The following HES1 variants were observed in gnomAD, a reference collection of about 807,000 sequenced individuals.
The protein encoded by HES1 is hes family bHLH transcription factor 1.
A neutral mutation model predicts 21.0 loss-of-function variants in HES1; 7 were observed. The ratio of observed to expected loss-of-function variants is 0.33; its 90% CI spans 0.19 to 0.63. The LOEUF is 0.63. HES1 is among the 20% of genes least tolerant of loss of function. The pLI is 0.78. For synonymous variants in HES1, 169 were observed against 171.2 expected (o/e 0.99, Z 0.10); for missense variants, 338 against 389.8 (o/e 0.87, Z 1.12).
Position 194,137,172 on chromosome 3 carries a change from T to G in HES1, c.292+124T>G, listed in dbSNP as rs2368048. ...ACATTTTACTGCCTTGGCTCACTCTTGCGTTCCCACGGTCTGGGGCTTATT... is the reference window on the plus strand; with the variant it reads ...ACATTTTACTGCCTTGGCTCACTCTGGCGTTCCCACGGTCTGGGGCTTATT... On this transcript the variant is annotated intron_variant, in intron 3 of 3. Coordinates refer to ENST00000232424, the MANE Select transcript of HES1 (RefSeq NM_005524.4). This position sits in a 1 kb window ranked among gnomAD's most constrained non-coding sequence, Gnocchi z 5.4. 2 of 777,252 alleles carry G rather than the reference T, an allele frequency of 2.6e-6. No individual in the cohort carries two copies. The highest frequency in any genetic ancestry group is 1.5e-5 in the South Asian group (1 of 65,680). 48.1% of individuals were successfully genotyped at this position (777,252 alleles called of 1,614,324 possible). A position where few individuals can be genotyped will look rare whatever the true frequency, so the allele number is the denominator to read the frequency against.
Position 194,137,062 on chromosome 3 carries a change from G to A in HES1, c.292+14G>A, listed in dbSNP as rs1715361477. The A allele has an allele frequency of 6.2e-6, 10 of 1,609,926 alleles. No homozygotes were observed. Among genetic ancestry groups the A allele is most frequent in the Non-Finnish European group, 8.5e-6 (10 of 1,176,606 alleles). ...CGCAGATGACGGGTGAGGGCGGCTCGCCGCGTCCCCCTGTGCGGGCGTCCC... is the reference window on the plus strand; with the variant it reads ...CGCAGATGACGGGTGAGGGCGGCTCACCGCGTCCCCCTGTGCGGGCGTCCC... On this transcript the variant is annotated intron_variant, in intron 3 of 3. Transcript: ENST00000232424. The surrounding 1 kb of genome is among the most constrained non-coding windows in gnomAD (Gnocchi z 5.4).
At chr3:194,136,830 G>C (rs755302910) in intron 2 of HES1, 118 bp downstream of exon 2, 7 of 1,373,758 alleles carry the variant, frequency 5.1e-6, no homozygotes, top group Non-Finnish European at 1.0e-6. Flanking sequence ...GTTCTCCCAG[G>C]CGGGAGGGCC....
Position 194,137,670 on chromosome 3 carries a change from T to C in HES1, c.293-13T>C. 2 of 1,565,474 alleles carry C rather than the reference T, an allele frequency of 1.3e-6. No individual in the cohort carries two copies. The highest frequency in any genetic ancestry group is 1.7e-4 in the Middle Eastern group (1 of 5,888). On this transcript the variant is annotated splice_polypyrimidine_tract_variant and intron_variant, in intron 3 of 3. Coordinates refer to ENST00000232424, the MANE Select transcript of HES1 (RefSeq NM_005524.4). The surrounding 1 kb of genome is among the most constrained non-coding windows in gnomAD (Gnocchi z 5.4). ...GCCGTTCGGTGACCCGTCTGTCTCTTTCTGGCCCGCAGCTGCGCTGAGCAC... is the reference window on the plus strand; with the variant it reads ...GCCGTTCGGTGACCCGTCTGTCTCTCTCTGGCCCGCAGCTGCGCTGAGCAC...
rs1427948364 is a variant in HES1 at position 194,138,490 on chromosome 3, G to GT, written c.*263dup. ...ATTATAAAAGCTCAGATGACATTTCGTTTTTTACACGAGATTTCTTTTTTA... is the reference window on the plus strand; with the variant it reads ...ATTATAAAAGCTCAGATGACATTTCGTTTTTTTACACGAGATTTCTTTTTTA... On this transcript the variant is annotated 3_prime_UTR_variant, in exon 4 of 4. Transcript: ENST00000232424. 23 of 363,588 alleles carry GT rather than the reference G, an allele frequency of 6.3e-5. No individual in the cohort carries two copies. In the East Asian group the frequency reaches 9.0e-4, roughly 14 times the overall value. 22.5% of individuals were successfully genotyped at this position (363,588 alleles called of 1,614,324 possible). A position where few individuals can be genotyped will look rare whatever the true frequency, so the allele number is the denominator to read the frequency against.
chr3:194,136,904 A>T (rs1172405751), intron 2 of HES1, 57 bp from the exon 3 acceptor site: 1 of 1,528,428 alleles, frequency 6.5e-7, no homozygotes, highest in Non-Finnish European at 9.1e-7. Context: ...AGGGACCCCC[A>T]GCACTCTGAA....
At chr3:194,136,785 C>G in intron 2 of HES1, 73 bp downstream of exon 2, 1 of 1,481,264 alleles carries the variant, frequency 6.8e-7, no homozygotes, top group Non-Finnish European at 9.4e-7. Flanking sequence ...AGTGAAACCC[C>G]CCGCCCTGCG....
rs902415373 is a variant in HES1 at position 194,137,147 on chromosome 3, A to T, written c.292+99A>T. The T allele has an allele frequency of 3.1e-6, 3 of 971,196 alleles. No homozygotes were observed. The highest frequency in any genetic ancestry group is 5.0e-6 in the Non-Finnish European group (3 of 604,194). 60.2% of individuals were successfully genotyped at this position (971,196 alleles called of 1,614,324 possible). ...CCGTGGTTGTGAGAGGCATTCAGCT[A>T]CATTTTACTGCCTTGGCTCACTCTT... is the stretch of plus-strand genomic sequence containing the variant. On this transcript the variant is annotated intron_variant, in intron 3 of 3. Transcript: ENST00000232424. This position sits in a 1 kb window ranked among gnomAD's most constrained non-coding sequence, Gnocchi z 5.4.
At position 194,136,956 on chromosome 3, in the gene HES1, T is replaced by C. The variant is rs760003455; in HGVS notation, c.205-5T>C. On this transcript the variant is annotated splice_region_variant and splice_polypyrimidine_tract_variant and intron_variant, in intron 2 of 3. Coordinates refer to ENST00000232424, the MANE Select transcript of HES1 (RefSeq NM_005524.4). ...TCACTTTCCTTTCTTGCCTACTCTA[T>C]GCAGAGCTCGCGGCATTCCAAGCTG... 1.9e-6 allele frequency: 3 copies of C among 1,614,040 alleles called. No homozygotes were observed. The highest frequency in any genetic ancestry group is 2.5e-6 in the Non-Finnish European group (3 of 1,179,884).
chr3:194,137,997 T>G lies in HES1; in HGVS notation c.607T>G (p.Cys203Gly), dbSNP rs753590101. ...GGCGCCCCCTCCCGGCGGCGCCCCC[T>G]GCAAGCTGGGCAGCCAGGCTGGAGA... is the stretch of plus-strand genomic sequence containing the variant. Reference protein sequence around the residue: ...GAAPPPGGAPCKLGSQAGEAA... With the variant: ...GAAPPPGGAPGKLGSQAGEAA... Residue 203 changes from cysteine to glycine, a missense_variant, in exon 4 of 4, where the codon TGC becomes GGC. Coordinates refer to ENST00000232424, the MANE Select transcript of HES1 (RefSeq NM_005524.4). This position sits in a 1 kb window ranked among gnomAD's most constrained non-coding sequence, Gnocchi z 5.4. The G allele has an allele frequency of 1.4e-6, 2 of 1,421,362 alleles. No homozygotes were observed. The highest frequency in any genetic ancestry group is 1.9e-6 in the Non-Finnish European group (2 of 1,072,388). The allele number at this position is 1,421,362 out of a possible 1,614,324, so 88.0% of individuals were successfully genotyped here. A position where few individuals can be genotyped will look rare whatever the true frequency, so the allele number is the denominator to read the frequency against.
rs1323957831 is a variant in HES1 at position 194,138,221 on chromosome 3, G to T, written c.831G>T (p.Pro277=). ...TTACGGCGGACTCCATGTGGAGGCC[G>T]TGGCGGAACTGAGGGGGCTCAGGCC... ...PSLTADSMWR[P]WRN The change falls in exon 4 of 4, where the codon CCG becomes CCT. Residue 277 remains proline (P), a synonymous_variant. Coordinates refer to ENST00000232424, the MANE Select transcript of HES1 (RefSeq NM_005524.4). 1 of 1,576,434 alleles carries T rather than the reference G, an allele frequency of 6.3e-7. No individual in the cohort carries two copies. The highest frequency in any genetic ancestry group is 8.6e-7 in the Non-Finnish European group (1 of 1,162,816).
Position 194,137,578 on chromosome 3 carries a change from G to C in HES1, c.293-105G>C, listed in dbSNP as rs2108588923. 3.2e-6 allele frequency: 4 copies of C among 1,236,710 alleles called. No homozygotes were observed. The highest frequency in any genetic ancestry group is 5.4e-5 in the East Asian group (2 of 37,336). The allele number at this position is 1,236,710 out of a possible 1,614,324, so 76.6% of individuals were successfully genotyped here. On this transcript the variant is annotated intron_variant, in intron 3 of 3. Transcript: ENST00000232424. This position sits in a 1 kb window ranked among gnomAD's most constrained non-coding sequence, Gnocchi z 5.4. ...CCCTCCCTGCCGGAGGCAGTTTCAC[G>C]GGCGCATGGTCAGGGAGGCGCGCCA... is the stretch of plus-strand genomic sequence containing the variant.
Position 194,137,472 on chromosome 3 carries a change from A to G in HES1, c.293-211A>G, listed in dbSNP as rs113839026. On this transcript the variant is annotated intron_variant, in intron 3 of 3. Transcript: ENST00000232424. The surrounding 1 kb of genome is among the most constrained non-coding windows in gnomAD (Gnocchi z 5.4). ...CTGAGATAGGTTTAAATGCAGCTAC[A>G]GGGAATCGGGAAGGAGTGGCTCGGC... Among the ~76,000 whole-genome samples, 1,389 of 152,338 alleles carry G rather than the reference A, an allele frequency of 9.1e-3. 21 individuals carry two copies. Among genetic ancestry groups the G allele is most frequent in the African/African-American group, 0.031 (1,283 of 41,580 alleles).
chr3:194,137,840 C>T lies in HES1; in HGVS notation c.450C>T (p.Ile150=). 6.2e-7 allele frequency: 1 copy of T among 1,607,638 alleles called. No individual in the cohort carries two copies. Among genetic ancestry groups the T allele is most frequent in the South Asian group, 1.1e-5 (1 of 89,948 alleles). ...ACCTGGCCAACTGCATGACCCAGAT[C>T]AATGCCATGACCTACCCCGGGCAGC... ...LGHLANCMTQ[I]NAMTYPGQPH... Residue 150 remains isoleucine (I), a synonymous_variant, in exon 4 of 4, where the codon ATC becomes ATT. Coordinates refer to ENST00000232424, the MANE Select transcript of HES1 (RefSeq NM_005524.4). The surrounding 1 kb of genome is among the most constrained non-coding windows in gnomAD (Gnocchi z 5.4).
In HES1 at chr3:194,136,347, A is replaced by G; in HGVS notation, c.-34A>G. 7.6e-7 allele frequency: 1 copy of G among 1,317,152 alleles called. No homozygotes were observed. The highest frequency in any genetic ancestry group is 1.0e-6 in the Non-Finnish European group (1 of 962,890). 81.6% of individuals were successfully genotyped at this position (1,317,152 alleles called of 1,614,324 possible). A position where few individuals can be genotyped will look rare whatever the true frequency, so the allele number is the denominator to read the frequency against. On this transcript the variant is annotated 5_prime_UTR_variant, in exon 1 of 4. Transcript: ENST00000232424. ...TTTCGTGAAGAACTCCAAAAATAAA[A>G]TTCTCTAGAGATAAAAAAAAAAAAA...
Position 194,136,963 on chromosome 3 carries a change from C to T in HES1, c.207C>T (p.Ser69=), listed in dbSNP as rs149421852. 3.9e-5 allele frequency: 63 copies of T among 1,614,116 alleles called. 1 individual carries two copies. The African/African-American group carries it at 8.0e-4, about 20-fold the overall frequency. The part of the protein sequence containing the change: ...TLILDALKKD[S]SRHSKLEKAD... ...CCTTTCTTGCCTACTCTATGCAGAG[C>T]TCGCGGCATTCCAAGCTGGAGAAGG... Residue 69 remains serine, a splice_region_variant and synonymous_variant, in exon 3 of 4, where the codon AGC becomes AGT. Coordinates refer to ENST00000232424, the MANE Select transcript of HES1 (RefSeq NM_005524.4).
chr3:194,138,004 T>C lies in HES1; in HGVS notation c.614T>C (p.Leu205Pro). 6.7e-7 allele frequency: 1 copy of C among 1,486,028 alleles called. No individual in the cohort carries two copies. The highest frequency in any genetic ancestry group is 9.0e-7 in the Non-Finnish European group (1 of 1,111,664). The allele number at this position is 1,486,028 out of a possible 1,614,324, so 92.1% of individuals were successfully genotyped here. The change falls in exon 4 of 4, where the codon CTG (leucine) becomes CCG (proline). Residue 205 changes from leucine to proline, a missense_variant. By Grantham distance (98) the Leu-to-Pro change is moderately conservative. Coordinates refer to ENST00000232424, the MANE Select transcript of HES1 (RefSeq NM_005524.4). ...CCTCCCGGCGGCGCCCCCTGCAAGC[T>C]GGGCAGCCAGGCTGGAGAGGCGGCT... ...APPPGGAPCK[L>P]GSQAGEAAKV...
chr3:194,137,114 A>AC lies in HES1; in HGVS notation c.292+67dup. On this transcript the variant is annotated intron_variant, in intron 3 of 3. Transcript: ENST00000232424. This position sits in a 1 kb window ranked among gnomAD's most constrained non-coding sequence, Gnocchi z 5.4. ...CTCGCCTCGCGGTGATTTCTTCCAG[A>AC]CTTCCGCCCGTGGTTGTGAGAGGCA... is the stretch of plus-strand genomic sequence containing the variant. 7.3e-7 allele frequency: 1 copy of AC among 1,377,422 alleles called. No homozygotes were observed. 85.3% of individuals were successfully genotyped at this position (1,377,422 alleles called of 1,614,324 possible).
At position 194,137,531 on chromosome 3, in the gene HES1, G is replaced by T. The variant is rs939155626; in HGVS notation, c.293-152G>T. The T allele has an allele frequency of 6.7e-6, 5 of 746,166 alleles. No homozygotes were observed. Among genetic ancestry groups the T allele is most frequent in the Admixed American group, 6.3e-5 (2 of 31,972 alleles). 46.2% of individuals were successfully genotyped at this position (746,166 alleles called of 1,614,324 possible). A position where few individuals can be genotyped will look rare whatever the true frequency, so the allele number is the denominator to read the frequency against. ...GCAACGCTAGTGTGGAGAGGTGGCTGGTTTTTTCTAAACCCATCTCACCCT... is the reference window on the plus strand; with the variant it reads ...GCAACGCTAGTGTGGAGAGGTGGCTTGTTTTTTCTAAACCCATCTCACCCT... On this transcript the variant is annotated intron_variant, in intron 3 of 3. Transcript: ENST00000232424. This position sits in a 1 kb window ranked among gnomAD's most constrained non-coding sequence, Gnocchi z 5.4.
Position 194,136,260 on chromosome 3 carries a change from C to G in HES1, c.-121C>G. 1 of 648,254 alleles carries G rather than the reference C, an allele frequency of 1.5e-6. No individual in the cohort carries two copies. The highest frequency in any genetic ancestry group is 2.7e-6 in the Non-Finnish European group (1 of 369,780). The allele number at this position is 648,254 out of a possible 1,614,324, so 40.2% of individuals were successfully genotyped here. A position where few individuals can be genotyped will look rare whatever the true frequency, so the allele number is the denominator to read the frequency against. Reference sequence around the variant, plus strand: ...GTAGCCACAAAATATAATAAACCCTCAGCACTTGCTCAGTAGTTTTGTGAA... The same window carrying G: ...GTAGCCACAAAATATAATAAACCCTGAGCACTTGCTCAGTAGTTTTGTGAA... On this transcript the variant is annotated 5_prime_UTR_variant, in exon 1 of 4. Transcript: ENST00000232424.
Sources: allele counts gnomAD v4.1 joint callset (sites outside exome capture counted in the v4.1 genomes callset), GRCh38; gene constraint gnomAD v4.1.1; non-coding constraint Gnocchi (gnomAD v3.1); transcripts MANE v1.5; gene names NCBI Gene and HGNC (gene_info 2026-07-23, HGNC 2026-07-21).